LMBR1: variants seen among roughly 807,000 people sequenced by gnomAD.
LMBR1 encodes limb region 1 protein homolog.
In LMBR1, 52 loss-of-function variants were observed where a neutral mutation model predicts 73.9. The ratio of observed to expected loss-of-function variants is 0.70; its 90% CI spans 0.56 to 0.89. LMBR1 has a LOEUF of 0.89. Among genes scored for constraint, LMBR1 ranks in the 40% least tolerant of loss-of-function variants. The pLI, the probability that LMBR1 is intolerant of heterozygous loss-of-function variation, is 0.00. For synonymous variants in LMBR1, 215 were observed against 209.4 expected (o/e 1.03, Z -0.23); for missense variants, 539 against 579.8 (o/e 0.93, Z 0.72).
intron 5 of LMBR1, among the ~76,000 whole-genome samples, chr7:156,787,858 C>A (rs912719623): frequency 6.6e-6 from 1 of 152,204 alleles, no homozygotes; most frequent in Non-Finnish European, 1.5e-5. Context: ...CTCACTGCAA[C>A]CTCCACCTCC....
chr7:156,783,065 C>A (rs2133212160), intron 5 of LMBR1, among the ~76,000 whole-genome samples: 1 of 152,260 alleles, frequency 6.6e-6, no homozygotes, highest in East Asian at 1.9e-4. Flanking sequence ...ATTTTTACTA[C>A]CTGCTTGTCA....
chr7:156,745,526 C>T (rs949464897), intron 9 of LMBR1, among the ~76,000 whole-genome samples: 1 of 152,190 alleles, frequency 6.6e-6, no homozygotes, highest in Non-Finnish European at 1.5e-5. Flanking sequence ...GAGGAGGAAA[C>T]CTCGCTGGGT....
rs553554877 is a variant in LMBR1, at chr7:156,760,513, T to C, written c.684+1621A>G. Reference sequence around the variant, plus strand: ...AGACCAATGATGGAACTTTAAACATTTGCCTATAGTTAGGGGTCAGGAAGC... The same window carrying C: ...AGACCAATGATGGAACTTTAAACATCTGCCTATAGTTAGGGGTCAGGAAGC... On this transcript the variant is annotated intron_variant, in intron 8 of 16. Coordinates refer to ENST00000353442, the MANE Select transcript of LMBR1 (RefSeq NM_022458.4). Among the ~76,000 whole-genome samples, 25 of 152,212 alleles carry C rather than the reference T, an allele frequency of 1.6e-4. No individual in the cohort carries two copies. In the South Asian group the frequency reaches 5.0e-3, roughly 30 times the overall value.
intron 1 of LMBR1, among the ~76,000 whole-genome samples, chr7:156,849,463 C>T (rs1205818665): frequency 6.6e-6 from 1 of 152,116 alleles, no homozygotes; most frequent in East Asian, 1.9e-4. Context: ...TAGTAACAAA[C>T]CTGTACATGT....
chr7:156,838,014 C>T (rs2133936320), intron 1 of LMBR1, among the ~76,000 whole-genome samples: 1 of 152,258 alleles, frequency 6.6e-6, no homozygotes, highest in East Asian at 1.9e-4. Flanking sequence ...TCTCGAACTC[C>T]TGACCTCAAG....
intron 5 of LMBR1, among the ~76,000 whole-genome samples, chr7:156,774,684 T>C (rs886804486): frequency 6.6e-6 from 1 of 151,926 alleles, no homozygotes; most frequent in Non-Finnish European, 1.5e-5. Context: ...ATACACAAAT[T>C]AGCCGGGCGT....
intron 1 of LMBR1, among the ~76,000 whole-genome samples, chr7:156,844,065 G>A (rs534115858): frequency 5.9e-5 from 9 of 151,994 alleles, no homozygotes; most frequent in Admixed American, 1.3e-4. Flanking sequence ...GGCTCACACC[G>A]GTAATCCCAG....
intron 5 of LMBR1, among the ~76,000 whole-genome samples, chr7:156,777,689 C>T (rs1826398289): frequency 6.6e-6 from 1 of 152,220 alleles, no homozygotes; most frequent in African/African-American, 2.4e-5. Flanking sequence ...AATCTTACTG[C>T]TGTGGCCAAG....
At chr7:156,805,297 A>G (rs1253921134) in intron 4 of LMBR1, among the ~76,000 whole-genome samples, 1 of 150,046 alleles carries the variant, frequency 6.7e-6, no homozygotes, top group East Asian at 2.0e-4. Flanking sequence ...GCTCACTGCA[A>G]CCTCCGCCTC....
At chr7:156,790,195 T>C (rs1200511436) in intron 5 of LMBR1, among the ~76,000 whole-genome samples, 1 of 152,106 alleles carries the variant, frequency 6.6e-6, no homozygotes, top group Non-Finnish European at 1.5e-5. Context: ...CACTTTGCTG[T>C]TAGATATAAA....
At chr7:156,754,898 G>C (rs1821569929) in intron 9 of LMBR1, among the ~76,000 whole-genome samples, 1 of 152,070 alleles carries the variant, frequency 6.6e-6, no homozygotes, top group African/African-American at 2.4e-5. Context: ...AAATCATTTA[G>C]CTCTTTATTT....
In LMBR1 at chr7:156,683,961, A is replaced by T; in HGVS notation, c.*117T>A. 1.3e-6 allele frequency: 1 copy of T among 757,804 alleles called. No individual in the cohort carries two copies. Among genetic ancestry groups the T allele is most frequent in the Non-Finnish European group, 2.2e-6 (1 of 449,810 alleles). The allele number at this position is 757,804 out of a possible 1,614,324, so 46.9% of individuals were successfully genotyped here. The stretch of plus-strand genomic sequence containing the variant: ...ATTATGAAAAAAAAATGGCACTGAT[A>T]GGTCTAGGTTCTGAAGAGGGGCCAC... On this transcript the variant is annotated 3_prime_UTR_variant, in exon 17 of 17. Coordinates refer to ENST00000353442, the MANE Select transcript of LMBR1 (RefSeq NM_022458.4).
intron 1 of LMBR1, among the ~76,000 whole-genome samples, chr7:156,866,094 T>G (rs543460957): frequency 2.0e-3 from 295 of 148,370 alleles, no homozygotes; most frequent in Middle Eastern, 0.014. Context: ...AGAAACTGAA[T>G]GTCAACAAAA....
intron 4 of LMBR1, 59 bp from the exon 5 acceptor site, chr7:156,796,551 T>A: frequency 9.1e-7 from 1 of 1,099,248 alleles, no homozygotes; most frequent in Non-Finnish European, 1.3e-6. Context: ...ATTGTGGTAT[T>A]AATCAAGATC....
At chr7:156,696,794 C>G (rs752460393) in intron 15 of LMBR1, among the ~76,000 whole-genome samples, 3 of 152,224 alleles carry the variant, frequency 2.0e-5, no homozygotes, top group Non-Finnish European at 2.9e-5. Flanking sequence ...CCTGGCCCCT[C>G]ACAAATCTCA....
At chr7:156,755,293 C>CT (rs1346127610) in intron 9 of LMBR1, among the ~76,000 whole-genome samples, 3 of 152,132 alleles carry the variant, frequency 2.0e-5, no homozygotes, top group African/African-American at 7.2e-5. Context: ...CTAGAAAGAC[C>CT]TTTTTTACTT....
At chr7:156,764,983 C>A (rs988053390) in intron 5 of LMBR1, among the ~76,000 whole-genome samples, 9 of 152,274 alleles carry the variant, frequency 5.9e-5, no homozygotes, top group Admixed American at 2.0e-4. Flanking sequence ...AGAGTCAGCT[C>A]ACCTTAAGTG....
intron 9 of LMBR1, among the ~76,000 whole-genome samples, chr7:156,735,738 G>T (rs1817745244): frequency 6.6e-6 from 1 of 151,500 alleles, no homozygotes; most frequent in Non-Finnish European, 1.5e-5. Flanking sequence ...TCTGTTTTGT[G>T]GATTTTAAGT....
chr7:156,721,193 C>T (rs1814487070), intron 15 of LMBR1, among the ~76,000 whole-genome samples: 1 of 151,764 alleles, frequency 6.6e-6, no homozygotes, highest in Non-Finnish European at 1.5e-5. Flanking sequence ...GAAAGAGCTT[C>T]CAAGATGAAA....
Sources: gnomAD v4.1 joint callset for allele counts (sites outside exome capture counted in the v4.1 genomes callset) on GRCh38, gnomAD v4.1.1 for gene constraint, MANE v1.5 for transcripts, NCBI Gene and HGNC (gene_info 2026-07-23, HGNC 2026-07-21) for gene names.